Variants in NAIP observed in about 807,000 individuals in gnomAD.
The protein encoded by NAIP is NLR family apoptosis inhibitory protein, also known as baculoviral IAP repeat-containing protein 1.
In NAIP, 15 loss-of-function variants were observed where a neutral mutation model predicts 23.0. The observed-to-expected ratio is 0.65, with a 90% confidence interval of 0.44 to 1.00. NAIP has a LOEUF of 1.00. Among genes scored for constraint, NAIP ranks in the 50% least tolerant of loss-of-function variants. The pLI, the probability that NAIP is intolerant of heterozygous loss-of-function variation, is 0.00. For synonymous variants in NAIP, 100 were observed against 100.2 expected (o/e 1.00, Z 0.01); for missense variants, 265 against 278.8 (o/e 0.95, Z 0.35).
Position 71,010,503 on chromosome 5 carries a change from C to T in NAIP, c.668+772G>A, listed in dbSNP as rs756705050. 2.6e-4 allele frequency among the ~76,000 whole-genome samples: 40 copies of T among 151,248 alleles called. 1 individual carries two copies. Among genetic ancestry groups the T allele is most frequent in the Non-Finnish European group, 5.2e-4 (35 of 67,716 alleles). On this transcript the variant is annotated intron_variant, in intron 5 of 16. Coordinates refer to ENST00000517649, the MANE Select transcript of NAIP (RefSeq NM_004536.3). ...CAGGATGGTCTTGATTTCCTGACCT[C>T]GGATCCACCGGCCTCAGCCTCCCAA...
intron 3 of NAIP, among the ~76,000 whole-genome samples, chr5:71,014,802 C>A (rs1293915237): frequency 6.6e-6 from 1 of 151,466 alleles, no homozygotes. Context: ...ACTCAGGAGG[C>A]TGAGGCGGGA....
chr5:71,016,378 A>C (rs1751447782), intron 3 of NAIP, among the ~76,000 whole-genome samples: 1 of 148,148 alleles, frequency 6.8e-6, no homozygotes, highest in Admixed American at 6.7e-5. Context: ...CAATTTTAGA[A>C]CATTTTCATC....
intron 3 of NAIP, among the ~76,000 whole-genome samples, chr5:71,016,020 C>T (rs1047782638): frequency 1.4e-5 from 2 of 143,282 alleles, no homozygotes; most frequent in Admixed American, 7.1e-5. Flanking sequence ...GTGACTCATA[C>T]CTATAACCCC....
chr5:71,010,267 C>CT (rs1015637623), intron 5 of NAIP, among the ~76,000 whole-genome samples: 1 of 149,724 alleles, frequency 6.7e-6, no homozygotes, highest in Non-Finnish European at 1.5e-5. Flanking sequence ...GCCACCATGC[C>CT]TGGCTAACTT....
At position 71,012,499 on chromosome 5, in the gene NAIP, G is replaced by A. The variant is rs1751207170; in HGVS notation, c.417C>T (p.Asp139=). 2 of 1,611,604 alleles carry A rather than the reference G, an allele frequency of 1.2e-6. No individual in the cohort carries two copies. Among genetic ancestry groups the A allele is most frequent in the Non-Finnish European group, 1.7e-6 (2 of 1,178,444 alleles). The change falls in exon 4 of 17, where the codon GAC becomes GAT. Residue 139 remains aspartate (D), a synonymous_variant. Transcript: ENST00000517649. ...TGCTCTTCAGATTCTTCACCCTTAT[G>A]TCGTACTTGGCAATGTTACCAACAT... is the stretch of plus-strand genomic sequence containing the variant. ...NKDVGNIAKY[D]IRVKNLKSRL... is the part of the protein sequence containing the mutation.
chr5:71,015,157 G>C (rs964384475), intron 3 of NAIP, among the ~76,000 whole-genome samples: 2 of 151,540 alleles, frequency 1.3e-5, no homozygotes, highest in African/African-American at 2.4e-5. Flanking sequence ...TGGGAGGATT[G>C]TTTGTGGCTA....
At chr5:71,011,617 C>T (rs1751163903) in intron 4 of NAIP, 1 of 539,394 alleles carries the variant, frequency 1.9e-6, no homozygotes. Flanking sequence ...CCCCCCAGAG[C>T]TGGTATGTTG....
chr5:71,012,305 T>C, intron 4 of NAIP, 43 bp downstream of exon 4: 1 of 1,516,360 alleles, frequency 6.6e-7, no homozygotes, highest in Non-Finnish European at 8.9e-7. Context: ...AAACCTAAAC[T>C]TAAAACGCCA....
rs753298316 is a variant in NAIP, at chr5:71,012,348, C to T, written c.568G>A (p.Gly190Ser). The part of the protein sequence containing the change: ...VLSEAGFVFT[G>S]KQDTVQCFSC... ...ACTTCAGAGAATAATTTCAAGGTAC[C>T]TGTAAAGACAAAGCCAGCCTCTGAG... Residue 190 changes from glycine (G) to serine (S), a missense_variant and splice_region_variant, in exon 4 of 17, where the codon GGT becomes AGT. Gly to Ser is a moderately conservative substitution (Grantham distance 56, BLOSUM62 0). Coordinates refer to ENST00000517649, the MANE Select transcript of NAIP (RefSeq NM_004536.3). 1.5e-5 allele frequency: 24 copies of T among 1,594,574 alleles called. No homozygotes were observed. The South Asian group carries it at 2.4e-4, about 16-fold the overall frequency.
intron 3 of NAIP, among the ~76,000 whole-genome samples, chr5:71,016,313 G>A (rs1418513236): frequency 6.9e-6 from 1 of 145,318 alleles, no homozygotes; most frequent in African/African-American, 2.5e-5. Context: ...TAAATAAAAT[G>A]TACAGTTCAA....
chr5:71,015,182 G>C (rs576644151), intron 3 of NAIP, among the ~76,000 whole-genome samples: 1 of 151,688 alleles, frequency 6.6e-6, no homozygotes, highest in African/African-American at 2.4e-5. Context: ...TTTGAGGCCA[G>C]TTTAGGCAAC....
intron 3 of NAIP, among the ~76,000 whole-genome samples, chr5:71,014,392 G>A (rs1751335089): frequency 6.6e-6 from 1 of 151,454 alleles, no homozygotes; most frequent in African/African-American, 2.4e-5. Context: ...GAAGTGCAGT[G>A]GCGCAATCTC....
intron 3 of NAIP, among the ~76,000 whole-genome samples, chr5:71,014,988 T>A (rs1006871140): frequency 1.3e-5 from 2 of 151,740 alleles, no homozygotes; most frequent in African/African-American, 2.4e-5. Flanking sequence ...AGCAAGATAA[T>A]TTAAATGTCC....
At chr5:71,010,148 C>T (rs914959308) in intron 5 of NAIP, among the ~76,000 whole-genome samples, 8 of 151,590 alleles carry the variant, frequency 5.3e-5, no homozygotes, top group African/African-American at 1.9e-4. Context: ...CACTCTGTCA[C>T]CCAGGCTGGA....
chr5:71,010,901 A>G (rs1751119743), intron 5 of NAIP, among the ~76,000 whole-genome samples: 1 of 151,352 alleles, frequency 6.6e-6, no homozygotes, highest in African/African-American at 2.4e-5. Context: ...CTACTCCAGA[A>G]AGGTGGCTCT....
rs1459267071 is a variant in NAIP at position 71,012,761 on chromosome 5, C to A, written c.155G>T (p.Gly52Val). 6.2e-7 allele frequency: 1 copy of A among 1,611,920 alleles called. No individual in the cohort carries two copies. The highest frequency in any genetic ancestry group is 8.5e-7 in the Non-Finnish European group (1 of 1,178,526). ...TTCACTGCGCATTTGAGAGTTGTAGCCTTTCTGCATTTTTGCTCGCTCCTT... is the reference window on the plus strand; with the variant it reads ...TTCACTGCGCATTTGAGAGTTGTAGACTTTCTGCATTTTTGCTCGCTCCTT... ...EQKERAKMQK[G>V]YNSQMRSEAK... The change falls in exon 4 of 17, where the codon GGC (glycine) becomes GTC (valine). Residue 52 changes from glycine (G) to valine (V), a missense_variant. Transcript: ENST00000517649.
In NAIP at chr5:71,013,361, G is replaced by A. The variant is rs374585580; in HGVS notation, c.-3-443C>T. Among the ~76,000 whole-genome samples, 24 of 151,084 alleles carry A rather than the reference G, an allele frequency of 1.6e-4. 2 individuals are homozygous for A. The highest frequency in any genetic ancestry group is 5.8e-4 in the African/African-American group (24 of 41,236). Reference sequence around the variant, plus strand: ...TGTTTTAAGTCTCGGTGCTCTGGCCGGGCGCGGTGGCTCACGCCTGTAATC... The same window carrying A: ...TGTTTTAAGTCTCGGTGCTCTGGCCAGGCGCGGTGGCTCACGCCTGTAATC... On this transcript the variant is annotated intron_variant, in intron 3 of 16. Transcript: ENST00000517649.
intron 13 of NAIP, among the ~76,000 whole-genome samples, chr5:70,978,113 A>ACG: frequency 8.5e-5 from 1 of 11,724 alleles, no homozygotes; most frequent in African/African-American, 2.2e-4. Flanking sequence ...ATGTATGCAC[A>ACG]CACACACACA....
intron 9 of NAIP, among the ~76,000 whole-genome samples, chr5:70,989,271 G>T (rs1184509840): frequency 7.2e-6 from 1 of 138,486 alleles, no homozygotes; most frequent in Non-Finnish European, 1.5e-5. Flanking sequence ...CCATTGCCAG[G>T]TGCAATGGCT....
Sources: gnomAD v4.1 joint callset for allele counts (sites outside exome capture counted in the v4.1 genomes callset) on GRCh38, gnomAD v4.1.1 for gene constraint, MANE v1.5 for transcripts, NCBI Gene and HGNC (gene_info 2026-07-23, HGNC 2026-07-21) for gene names.